The following AKR1D1 variants were observed in gnomAD, a reference collection of about 807,000 sequenced individuals.
AKR1D1 encodes the protein delta(4)-3-ketosteroid 5-beta-reductase.
A neutral mutation model predicts 42.6 loss-of-function variants in AKR1D1; 32 were observed. The ratio of observed to expected loss-of-function variants is 0.75; its 90% CI spans 0.57 to 1.01. The LOEUF (loss-of-function observed/expected upper bound fraction) is 1.01. Among genes scored for constraint, AKR1D1 ranks in the 50% least tolerant of loss-of-function variants. AKR1D1 has a pLI of 0.00. For synonymous variants in AKR1D1, 123 were observed against 135.5 expected (o/e 0.91, Z 0.64); for missense variants, 364 against 402.2 (o/e 0.91, Z 0.81).
At chr7:138,109,699 C>T (rs1407917262) in intron 7 of AKR1D1, among the ~76,000 whole-genome samples, 1 of 152,172 alleles carries the variant, frequency 6.6e-6, no homozygotes, top group African/African-American at 2.4e-5. Flanking sequence ...TGCCAAAATG[C>T]CTCATCCTAA....
chr7:138,098,058 A>G, intron 4 of AKR1D1, 115 bp downstream of exon 4: 2 of 847,498 alleles, frequency 2.4e-6, no homozygotes, highest in Non-Finnish European at 4.0e-6. Context: ...GAAAAGTAAC[A>G]GTCAGAACAG....
At chr7:138,096,847 T>C (rs1176857777) in intron 3 of AKR1D1, among the ~76,000 whole-genome samples, 2 of 152,198 alleles carry the variant, frequency 1.3e-5, no homozygotes, top group Non-Finnish European at 2.9e-5. Context: ...ACTCTCTCTA[T>C]AGGTGACTTA....
intron 6 of AKR1D1, 100 bp from the exon 7 acceptor site, chr7:138,107,315 G>T: frequency 7.8e-7 from 1 of 1,274,678 alleles, no homozygotes; most frequent in Non-Finnish European, 1.1e-6. Context: ...TGTCCTGGTA[G>T]GTGACTGGGT....
At chr7:138,115,924 G>A (rs1794624588) in intron 8 of AKR1D1, among the ~76,000 whole-genome samples, 2 of 152,066 alleles carry the variant, frequency 1.3e-5, no homozygotes, top group Admixed American at 6.6e-5. Context: ...CTAGTGAGAG[G>A]GGCAAGTAAA....
intron 3 of AKR1D1, among the ~76,000 whole-genome samples, chr7:138,096,432 G>C (rs970930620): frequency 2.0e-5 from 3 of 152,130 alleles, no homozygotes; most frequent in African/African-American, 7.2e-5. Context: ...AAGAGCACAA[G>C]AAAGCACCCC....
At chr7:138,102,980 T>G (rs1348970429) in intron 4 of AKR1D1, among the ~76,000 whole-genome samples, 3 of 152,232 alleles carry the variant, frequency 2.0e-5, no homozygotes, top group African/African-American at 7.2e-5. Flanking sequence ...CTGGAGGTGT[T>G]CATGATCTTG....
chr7:138,089,583 A>G (rs1794021043), intron 2 of AKR1D1, among the ~76,000 whole-genome samples: 1 of 152,202 alleles, frequency 6.6e-6, no homozygotes, highest in African/African-American at 2.4e-5. Context: ...AAGTTAGCAT[A>G]CAAGGAAAAG....
At chr7:138,083,531 A>G (rs934538769) in intron 1 of AKR1D1, among the ~76,000 whole-genome samples, 2 of 152,250 alleles carry the variant, frequency 1.3e-5, no homozygotes, top group East Asian at 1.9e-4. Flanking sequence ...CTTCTATTCC[A>G]TAAGTTGCCT....
intron 4 of AKR1D1, among the ~76,000 whole-genome samples, chr7:138,104,403 T>C (rs1311804666): frequency 6.6e-6 from 1 of 151,848 alleles, no homozygotes; most frequent in Non-Finnish European, 1.5e-5. Flanking sequence ...CCAGAATGTT[T>C]ATAAAAATTG....
At chr7:138,115,898 T>C (rs1164889247) in intron 8 of AKR1D1, among the ~76,000 whole-genome samples, 1 of 152,102 alleles carries the variant, frequency 6.6e-6, no homozygotes, top group African/African-American at 2.4e-5. Flanking sequence ...TCTCAAACTC[T>C]CAACACGCAG....
chr7:138,098,150 C>A, intron 4 of AKR1D1: 8 of 510,580 alleles, frequency 1.6e-5, no homozygotes, highest in South Asian at 3.2e-5. Context: ...TGCTGGAATG[C>A]CAAAGAAAAG....
intron 1 of AKR1D1, among the ~76,000 whole-genome samples, chr7:138,080,111 T>C (rs140179563): frequency 3.7e-4 from 57 of 152,360 alleles, no homozygotes; most frequent in African/African-American, 1.2e-3. Flanking sequence ...GTATGGAATA[T>C]GCTGCCTCTG....
intron 7 of AKR1D1, 110 bp from the exon 8 acceptor site, chr7:138,113,580 T>C (rs1439014676): frequency 2.2e-6 from 2 of 902,778 alleles, no homozygotes; most frequent in South Asian, 1.4e-5. Flanking sequence ...TGACTCCTCT[T>C]AGACATTTGC....
chr7:138,084,510 CG>C (rs1562930545), intron 1 of AKR1D1, among the ~76,000 whole-genome samples: 12 of 151,940 alleles, frequency 7.9e-5, no homozygotes, highest in Non-Finnish European at 1.8e-4. Context: ...TGTGCCACTG[CG>C]CCAGCATAAT....
chr7:138,116,686 T>C lies in AKR1D1; in HGVS notation c.*24T>C, dbSNP rs776212810. The C allele has an allele frequency of 6.2e-7, 1 of 1,613,156 alleles. No homozygotes were observed. Among genetic ancestry groups the C allele is most frequent in the Non-Finnish European group, 8.5e-7 (1 of 1,179,244 alleles). ...GACTGCAGGGAGTTCCTGAACAGAT[T>C]TTTCACTCCCACGAGTGCCAAGACG... is the stretch of plus-strand genomic sequence containing the variant. On this transcript the variant is annotated 3_prime_UTR_variant, in exon 9 of 9. Coordinates refer to ENST00000242375, the MANE Select transcript of AKR1D1 (RefSeq NM_005989.4).
intron 6 of AKR1D1, 187 bp from the exon 7 acceptor site, chr7:138,107,228 A>G (rs550754658): frequency 3.8e-5 from 29 of 770,324 alleles, no homozygotes; most frequent in African/African-American, 3.7e-4. Context: ...GCCTTGCTTG[A>G]TCTTCCCATA....
At chr7:138,106,193 A>G (rs936901842) in intron 5 of AKR1D1, among the ~76,000 whole-genome samples, 1 of 152,212 alleles carries the variant, frequency 6.6e-6, no homozygotes, top group Non-Finnish European at 1.5e-5. Context: ...TACTAAAAAA[A>G]CAATTTGTCA....
chr7:138,095,160 C>G (rs1217063580), intron 3 of AKR1D1, among the ~76,000 whole-genome samples: 1 of 152,118 alleles, frequency 6.6e-6, no homozygotes, highest in Non-Finnish European at 1.5e-5. Context: ...GGCTTGATAA[C>G]CACCTGATTA....
intron 3 of AKR1D1, among the ~76,000 whole-genome samples, chr7:138,093,329 A>C (rs1794122907): frequency 6.6e-6 from 1 of 152,170 alleles, no homozygotes; most frequent in African/African-American, 2.4e-5. Flanking sequence ...GGCCTCCCAA[A>C]GTGTTGGGAT....
Sources: gnomAD v4.1 joint callset for allele counts (sites outside exome capture counted in the v4.1 genomes callset) on GRCh38, gnomAD v4.1.1 for gene constraint, MANE v1.5 for transcripts, NCBI Gene and HGNC (gene_info 2026-07-23, HGNC 2026-07-21) for gene names.